Variants in DZANK1 observed in about 807,000 individuals in gnomAD.
The protein encoded by DZANK1 is double zinc ribbon and ankyrin repeat domains 1.
DZANK1 carries 91 observed loss-of-function variants against 94.5 expected under a neutral mutation model. The ratio of observed to expected loss-of-function variants is 0.96; its 90% CI spans 0.81 to 1.15. The LOEUF (loss-of-function observed/expected upper bound fraction) is 1.15, where lower values mean the gene tolerates loss of function less well. Ranked by LOEUF, DZANK1 falls within the 50% of genes most tolerant of loss-of-function variation. The pLI, the probability that DZANK1 is intolerant of heterozygous loss-of-function variation, is 0.00. For synonymous variants in DZANK1, 312 were observed against 325.3 expected, an observed-to-expected ratio of 0.96 and a Z score of 0.44; for missense variants, 903 against 916.4, an observed-to-expected ratio of 0.99 and a Z score of 0.19.
intron 15 of DZANK1, among the ~76,000 whole-genome samples, chr20:18,395,991 G>C (rs974121425): frequency 1.3e-5 from 2 of 152,118 alleles, no homozygotes; most frequent in African/African-American, 2.4e-5. Context: ...TCAATTGATT[G>C]ATTAATTATT....
chr20:18,384,530 C>A, exon 21 of DZANK1: 1 of 1,608,590 alleles, frequency 6.2e-7, no homozygotes, highest in Non-Finnish European at 8.5e-7. Flanking sequence ...GCTGTCTGGC[C>A]TCCTGCATTC....
intron 13 of DZANK1, 109 bp from the exon 14 acceptor site, chr20:18,398,735 C>T: frequency 1.8e-6 from 2 of 1,082,854 alleles, no homozygotes; most frequent in Non-Finnish European, 2.8e-6. Flanking sequence ...CTTTGTCAAA[C>T]TTTGTGATGG....
At chr20:18,447,875 AG>A (rs1203696824) in intron 7 of DZANK1, among the ~76,000 whole-genome samples, 2 of 152,308 alleles carry the variant, frequency 1.3e-5, no homozygotes, top group East Asian at 3.9e-4. Flanking sequence ...CACTTTGGAA[AG>A]CAGATTGGCA....
chr20:18,406,777 C>A (rs1351100082), intron 13 of DZANK1, among the ~76,000 whole-genome samples: 2 of 152,332 alleles, frequency 1.3e-5, no homozygotes, highest in East Asian at 3.9e-4. Flanking sequence ...GGGCCTTGGA[C>A]AGGATTTCTG....
At chr20:18,416,458 G>A (rs2057494127) in intron 10 of DZANK1, among the ~76,000 whole-genome samples, 1 of 152,106 alleles carries the variant, frequency 6.6e-6, no homozygotes, top group Non-Finnish European at 1.5e-5. Context: ...TGGTACCTTG[G>A]CACATGGGAG....
intron 8 of DZANK1, among the ~76,000 whole-genome samples, chr20:18,438,978 A>G (rs946839980): frequency 2.0e-5 from 3 of 152,248 alleles, no homozygotes; most frequent in Non-Finnish European, 2.9e-5. Context: ...GGATTTCAAC[A>G]TACGAATTTT....
intron 5 of DZANK1, 75 bp downstream of exon 5, chr20:18,453,656 A>G (rs1004484997): frequency 2.9e-5 from 29 of 1,017,128 alleles, no homozygotes; most frequent in Non-Finnish European, 4.0e-5. Flanking sequence ...ACAAGAAAAC[A>G]TGCAACGAAC....
intron 9 of DZANK1, among the ~76,000 whole-genome samples, chr20:18,430,354 A>G (rs746544594): frequency 2.6e-5 from 4 of 152,224 alleles, no homozygotes; most frequent in Non-Finnish European, 5.9e-5. Flanking sequence ...TTTCAGACCT[A>G]AGCCTCATAA....
chr20:18,417,200 T>C (rs1050435713), intron 10 of DZANK1, among the ~76,000 whole-genome samples: 10 of 152,332 alleles, frequency 6.6e-5, no homozygotes, highest in African/African-American at 2.2e-4. Flanking sequence ...ACCATTCAGA[T>C]AGAAATACAA....
Position 18,429,134 on chromosome 20 carries a change from C to T in DZANK1, c.862-1975G>A, listed in dbSNP as rs144701553. Among the ~76,000 whole-genome samples the T allele has an allele frequency of 3.1e-3, 468 of 152,322 alleles. 2 individuals carry two copies. Among genetic ancestry groups the T allele is most frequent in the Non-Finnish European group, 5.5e-3 (371 of 68,034 alleles). Reference sequence around the variant, plus strand: ...CTGAAAATGTTGCCTCAGAAAAGATCTGGTGAAACCCATTGAGAAATGAGA... The same window carrying T: ...CTGAAAATGTTGCCTCAGAAAAGATTTGGTGAAACCCATTGAGAAATGAGA... On this transcript the variant is annotated intron_variant, in intron 9 of 20. Coordinates refer to ENST00000262547, the Ensembl canonical transcript of DZANK1.
chr20:18,399,583 A>G (rs1234554783), intron 13 of DZANK1, among the ~76,000 whole-genome samples: 1 of 152,220 alleles, frequency 6.6e-6, no homozygotes, highest in African/African-American at 2.4e-5. Context: ...TGTACACCCC[A>G]ATCAATATAT....
intron 19 of DZANK1, among the ~76,000 whole-genome samples, 192 bp from the exon 20 acceptor site, chr20:18,385,282 T>G (rs983200810): frequency 6.6e-6 from 1 of 151,732 alleles, no homozygotes; most frequent in Admixed American, 6.6e-5. Context: ...TGATACTAGA[T>G]AGTGCAAAGG....
At chr20:18,384,213 C>T (rs1272348990) in exon 21 of DZANK1, 1 of 526,040 alleles carries the variant, frequency 1.9e-6, no homozygotes, top group Non-Finnish European at 3.2e-6. Flanking sequence ...GCATGCACCA[C>T]TACGCCCGAC....
intron 7 of DZANK1, among the ~76,000 whole-genome samples, chr20:18,447,636 A>AT (rs2058928077): frequency 6.6e-6 from 1 of 151,990 alleles, no homozygotes; most frequent in South Asian, 2.1e-4. Context: ...ACTATAATGC[A>AT]TTTTTTTAAA....
At chr20:18,412,196 A>G (rs959904224) in intron 13 of DZANK1, among the ~76,000 whole-genome samples, 1 of 152,248 alleles carries the variant, frequency 6.6e-6, no homozygotes, top group African/African-American at 2.4e-5. Flanking sequence ...ACTAGACTCA[A>G]GAGATCCTCC....
rs1443673907 is a variant in DZANK1 at position 18,422,203 on chromosome 20, G to C, written c.954+4864C>G. The stretch of plus-strand genomic sequence containing the variant: ...GAAGTTTTTCAGTTTAATCCATTTT[G>C]TGTTGATTTTAGTATATGGTGTGAG... On this transcript the variant is annotated intron_variant, in intron 10 of 20. Coordinates refer to ENST00000262547, the Ensembl canonical transcript of DZANK1. 3.3e-5 allele frequency among the ~76,000 whole-genome samples: 5 copies of C among 152,136 alleles called. No homozygotes were observed. In the East Asian group the frequency reaches 9.6e-4, roughly 29 times the overall value.
At chr20:18,401,771 A>G (rs2056695041) in intron 13 of DZANK1, among the ~76,000 whole-genome samples, 2 of 152,182 alleles carry the variant, frequency 1.3e-5, no homozygotes, top group Admixed American at 6.5e-5. Flanking sequence ...TTCTTTACAC[A>G]GTGCTGACTT....
intron 13 of DZANK1, among the ~76,000 whole-genome samples, chr20:18,403,405 T>C (rs1600786672): frequency 1.3e-5 from 2 of 152,186 alleles, no homozygotes; most frequent in South Asian, 2.1e-4. Flanking sequence ...ATCCAGAGCA[T>C]TGGCTCAGAG....
At chr20:18,405,094 G>T (rs150707117) in intron 13 of DZANK1, among the ~76,000 whole-genome samples, 4 of 151,920 alleles carry the variant, frequency 2.6e-5, no homozygotes, top group African/African-American at 9.7e-5. Context: ...TGCTTGGGAG[G>T]CTGAGGCAGG....
Sources: gnomAD v4.1 joint callset for allele counts (sites outside exome capture counted in the v4.1 genomes callset) on GRCh38, gnomAD v4.1.1 for gene constraint, MANE v1.5 for transcripts, NCBI Gene and HGNC (gene_info 2026-07-23, HGNC 2026-07-21) for gene names.